Variants in ERCC1 observed in about 807,000 individuals in gnomAD.
The protein encoded by ERCC1 is ERCC excision repair 1, endonuclease non-catalytic subunit.
A neutral mutation model predicts 37.6 loss-of-function variants in ERCC1; 36 were observed. The observed-to-expected ratio is 0.96, with a 90% CI of 0.73 to 1.26. The LOEUF (loss-of-function observed/expected upper bound fraction) is 1.26. Among genes scored for constraint, ERCC1 ranks in the 50% most tolerant of loss-of-function variants. ERCC1 has a pLI of 0.00. For synonymous variants in ERCC1, 156 were observed against 162.1 expected (o/e 0.96, Z 0.28); for missense variants, 349 against 376.5 (o/e 0.93, Z 0.60).
At chr19:45,427,216 G>GTTTC (rs886190696), upstream of ERCC1, among the ~76,000 whole-genome samples, 1 of 152,144 alleles carries the variant, frequency 6.6e-6, no homozygotes, top group African/African-American at 2.4e-5. Context: ...TCTTAGTATT[G>GTTTC]TTTCTTGCAA....
chr19:45,445,957 C>T (rs1005400633), intron 1 of ERCC1, among the ~76,000 whole-genome samples: 2 of 152,046 alleles, frequency 1.3e-5, no homozygotes, highest in Non-Finnish European at 2.9e-5. Context: ...GGCGTGGTCT[C>T]GGCTCACTGC....
upstream of ERCC1, among the ~76,000 whole-genome samples, chr19:45,427,630 A>G (rs190590523): frequency 3.3e-5 from 5 of 152,338 alleles, no homozygotes; most frequent in Non-Finnish European, 5.9e-5. Context: ...CGAAAAAAAG[A>G]AAAAATGAAA....
chr19:45,447,270 C>CTTTTTT (rs57063523), intron 1 of ERCC1, among the ~76,000 whole-genome samples: 2 of 102,752 alleles, frequency 1.9e-5, no homozygotes, highest in African/African-American at 4.5e-5. Context: ...AGATTTGCTT[C>CTTTTTT]TTTTTTTTTT....
At chr19:45,413,618 T>C in intron 9 of ERCC1, 59 bp downstream of exon 9, 1 of 1,614,234 alleles carries the variant, frequency 6.2e-7, no homozygotes, top group South Asian at 1.1e-5. Context: ...TCTCAGGTTG[T>C]GTTTATTTGG....
chr19:45,430,696 A>T (rs1044243748), intron 1 of ERCC1, among the ~76,000 whole-genome samples: 2 of 152,104 alleles, frequency 1.3e-5, no homozygotes, highest in Admixed American at 1.3e-4. Flanking sequence ...CAGGCGGATC[A>T]CGTGAGGTCA....
At chr19:45,410,786 C>T (rs1292771616) in intron 9 of ERCC1, 1 of 152,040 alleles carries the variant, frequency 6.6e-6, no homozygotes, top group Non-Finnish European at 1.5e-5. Flanking sequence ...ATCCCCAGTT[C>T]ATTATGTTGT....
intron 8 of ERCC1, 88 bp downstream of exon 8, chr19:45,413,875 G>T: frequency 6.4e-7 from 1 of 1,565,890 alleles, no homozygotes; most frequent in South Asian, 1.1e-5. Flanking sequence ...CAAGGGGTGG[G>T]CAGGGAGATG....
chr19:45,408,373 A>G lies in ERCC1; in HGVS notation c.*1302T>C, dbSNP rs750823192. On this transcript the variant is annotated 3_prime_UTR_variant, in exon 10 of 10. Coordinates refer to ENST00000300853, the MANE Select transcript of ERCC1 (RefSeq NM_001983.4). The stretch of plus-strand genomic sequence containing the variant: ...GGAGCCCTCTGCAGCCCATCCCAGC[A>G]AGTCCCCCACCACAGATCCCTCCTG... The G allele has an allele frequency of 1.9e-6, 3 of 1,608,436 alleles. No homozygotes were observed. Among genetic ancestry groups the G allele is most frequent in the African/African-American group, 2.7e-5 (2 of 74,830 alleles).
chr19:45,422,539 G>A (rs562468353), intron 2 of ERCC1, among the ~76,000 whole-genome samples: 18 of 152,094 alleles, frequency 1.2e-4, no homozygotes, highest in Non-Finnish European at 2.2e-4. Flanking sequence ...TTGGGAGGCC[G>A]AGGTGGGCGG....
rs374750310 is a variant in ERCC1 at position 45,421,319 on chromosome 19, G to C, written c.180C>G (p.Tyr60Ter). 1.2e-6 allele frequency: 2 copies of C among 1,614,006 alleles called. No individual in the cohort carries two copies. Among genetic ancestry groups the C allele is most frequent in the Middle Eastern group, 1.7e-4 (1 of 6,036 alleles). ...DTSAQAAPQT[Y>*]AEYAISQPLE... ...GAGGCTGTGAGATGGCATATTCGGC[G>C]TAGGTCTGAGGGGCCGCCTGGGCCG... The change falls in exon 3 of 10, where the codon TAC (tyrosine) becomes TAG (stop). Residue 60 changes from tyrosine to a stop codon, truncating the protein, a stop_gained. Transcript: ENST00000300853. LOFTEE classifies it high-confidence loss of function.
At chr19:45,445,759 G>C (rs1194362534) in intron 1 of ERCC1, among the ~76,000 whole-genome samples, 1 of 152,220 alleles carries the variant, frequency 6.6e-6, no homozygotes, top group East Asian at 1.9e-4. Context: ...GAAGAGGTCA[G>C]AGAGACTAAG....
chr19:45,451,513 C>A (rs763589018), intron 1 of ERCC1, among the ~76,000 whole-genome samples: 57 of 152,176 alleles, frequency 3.7e-4, no homozygotes, highest in Non-Finnish European at 7.3e-4. Context: ...ACAGGCAGCC[C>A]GTGGTCCTTC....
intron 2 of ERCC1, among the ~76,000 whole-genome samples, chr19:45,422,519 T>C (rs1196577236): frequency 6.6e-6 from 1 of 152,070 alleles, no homozygotes; most frequent in Non-Finnish European, 1.5e-5. Context: ...TGCCTGTACA[T>C]CCCAGCACTT....
At position 45,408,243 on chromosome 19, in the gene ERCC1, C is replaced by A. The variant is rs752189100; in HGVS notation, c.*1432G>T. 1.2e-5 allele frequency: 19 copies of A among 1,614,014 alleles called. No homozygotes were observed. Among genetic ancestry groups the A allele is most frequent in the Non-Finnish European group, 1.5e-5 (18 of 1,180,022 alleles). On this transcript the variant is annotated 3_prime_UTR_variant, in exon 10 of 10. Transcript: ENST00000300853. ...AGCAGCTGTCCCCAAGCTGGAGAAG[C>A]GACCCTGCTGGCCCCCTCAACGGAG... is the stretch of plus-strand genomic sequence containing the variant.
Position 45,408,026 on chromosome 19 carries a change from C to T in ERCC1, c.*1649G>A. The T allele has an allele frequency of 1.4e-6, 2 of 1,417,166 alleles. No individual in the cohort carries two copies. Among genetic ancestry groups the T allele is most frequent in the Non-Finnish European group, 1.9e-6 (2 of 1,064,142 alleles). The allele number at this position is 1,417,166 out of a possible 1,614,324, so 87.8% of individuals were successfully genotyped here. A position where few individuals can be genotyped will look rare whatever the true frequency, so the allele number is the denominator to read the frequency against. ...CCGAGATCATGCCACTGCACTCCAG[C>T]CTAGGCAACAGAGCAAGACTCTCTC... On this transcript the variant is annotated 3_prime_UTR_variant, in exon 10 of 10. Transcript: ENST00000300853.
chr19:45,433,205 C>T (rs1000277094), intron 1 of ERCC1, among the ~76,000 whole-genome samples: 4 of 152,002 alleles, frequency 2.6e-5, no homozygotes, highest in African/African-American at 7.2e-5. Context: ...GCCTGGGCAA[C>T]GTGGTGAAAC....
intron 8 of ERCC1, 84 bp from the exon 9 acceptor site, chr19:45,413,829 C>T: frequency 6.3e-7 from 1 of 1,599,974 alleles, no homozygotes. Context: ...AGATATTCCC[C>T]AGGGGAGATG....
Position 45,421,264 on chromosome 19 carries a change from C to T in ERCC1, c.235G>A (p.Gly79Arg). ...GTCTCTCCTGCCAGGGGCTCTGACC[C>T]TGTGGGGCACGTGGCCCCAGCCCCT... ...LEGAGATCPT[G>R]SEPLAGETPN... The change falls in exon 3 of 10, where the codon GGG becomes AGG. Residue 79 changes from glycine (G) to arginine (R), a missense_variant. Physicochemically the swap from Gly to Arg is moderately radical, Grantham distance 125. Transcript: ENST00000300853. The T allele has an allele frequency of 3.1e-6, 5 of 1,614,208 alleles. No homozygotes were observed. Among genetic ancestry groups the T allele is most frequent in the Non-Finnish European group, 4.2e-6 (5 of 1,180,032 alleles).
chr19:45,413,641 C>T (rs2123465874), intron 9 of ERCC1, 36 bp downstream of exon 9: 5 of 1,614,188 alleles, frequency 3.1e-6, no homozygotes, highest in Non-Finnish European at 4.2e-6. Context: ...CTCTCTCCTT[C>T]CCCCAACTCC....
Sources: gnomAD v4.1 joint callset for allele counts (sites outside exome capture counted in the v4.1 genomes callset) on GRCh38, gnomAD v4.1.1 for gene constraint, MANE v1.5 for transcripts, NCBI Gene and HGNC (gene_info 2026-07-23, HGNC 2026-07-21) for gene names.